Variants in ADAMTSL1 observed in about 807,000 individuals in gnomAD.
ADAMTSL1 encodes ADAMTS-like protein 1.
ADAMTSL1 carries 126 observed loss-of-function variants against 201.8 expected under a neutral mutation model. That is an observed-to-expected ratio of 0.62 (90% CI 0.54 to 0.72). The LOEUF is 0.72. Ranked by LOEUF, ADAMTSL1 falls within the 30% of genes least tolerant of loss-of-function variation. ADAMTSL1 has a pLI of 0.00. For synonymous variants in ADAMTSL1, 1,121 were observed against 903.4 expected (o/e 1.24, Z -4.32); for missense variants, 2,679 against 2,277.8 (o/e 1.18, Z -3.59).
At chr9:18,391,548 C>T (rs1838045754) in intron 2 of ADAMTSL1, among the ~76,000 whole-genome samples, 1 of 152,026 alleles carries the variant, frequency 6.6e-6, no homozygotes, top group Non-Finnish European at 1.5e-5. Context: ...TGGGCTCCAG[C>T]AATCTTCTTG....
At chr9:18,903,149 G>A (rs1384499823) in intron 26 of ADAMTSL1, among the ~76,000 whole-genome samples, 1 of 152,082 alleles carries the variant, frequency 6.6e-6, no homozygotes, top group Non-Finnish European at 1.5e-5. Flanking sequence ...AAGTTGCAGT[G>A]AGCAGAGATC....
At chr9:18,201,554 G>A (rs901716225) in intron 2 of ADAMTSL1, among the ~76,000 whole-genome samples, 6 of 151,518 alleles carry the variant, frequency 4.0e-5, no homozygotes, top group Non-Finnish European at 5.9e-5. Context: ...ACAATATTAC[G>A]GCCTTAGAAG....
chr9:18,517,685 T>C (rs1818445040), intron 2 of ADAMTSL1, among the ~76,000 whole-genome samples: 1 of 152,088 alleles, frequency 6.6e-6, no homozygotes. Context: ...TTTTTGTTCT[T>C]GCGATAGTTT....
intron 1 of ADAMTSL1, among the ~76,000 whole-genome samples, chr9:17,997,194 A>G (rs1398369748): frequency 3.3e-5 from 5 of 152,108 alleles, no homozygotes; most frequent in African/African-American, 4.8e-5. Flanking sequence ...AGAAAAAACA[A>G]TTGAATCAAA....
intron 2 of ADAMTSL1, among the ~76,000 whole-genome samples, chr9:18,263,770 C>G (rs1013287459): frequency 2.6e-4 from 39 of 152,258 alleles, no homozygotes; most frequent in African/African-American, 9.1e-4. Flanking sequence ...CTCGAGAAAG[C>G]TGGTTGCTCT....
intron 2 of ADAMTSL1, among the ~76,000 whole-genome samples, chr9:18,529,200 C>G (rs112517093): frequency 1.4e-4 from 22 of 152,278 alleles, no homozygotes; most frequent in Middle Eastern, 3.4e-3. Flanking sequence ...TTGCATTTTA[C>G]TGATGAACAT....
chr9:18,106,439 A>AG (rs1388430870), intron 1 of ADAMTSL1, among the ~76,000 whole-genome samples: 3 of 152,196 alleles, frequency 2.0e-5, no homozygotes, highest in Non-Finnish European at 4.4e-5. Flanking sequence ...GGAACCCCTG[A>AG]GGCCATGGGT....
At chr9:18,200,667 T>C (rs1486414814) in intron 2 of ADAMTSL1, among the ~76,000 whole-genome samples, 1 of 152,028 alleles carries the variant, frequency 6.6e-6, no homozygotes, top group Non-Finnish European at 1.5e-5. Flanking sequence ...CCTTGTGACG[T>C]ATAAAGTAAT....
At chr9:18,129,931 T>C (rs1191030667) in intron 1 of ADAMTSL1, among the ~76,000 whole-genome samples, 2 of 152,174 alleles carry the variant, frequency 1.3e-5, no homozygotes, top group Non-Finnish European at 2.9e-5. Flanking sequence ...TTTTAGTAAC[T>C]GGTCCTTGTC....
rs1224299814 is a variant in ADAMTSL1 at position 18,504,945 on chromosome 9, C to T, written c.180C>T (p.Cys60=). The change falls in exon 2 of 29, where the codon TGC becomes TGT. Residue 60 remains cysteine (C), a synonymous_variant. Coordinates refer to ENST00000380548, the MANE Select transcript of ADAMTSL1 (RefSeq NM_001040272.6). ...GGGASYSLRR[C]LSSKSCEGRN... is the part of the protein sequence containing the mutation. ...GGGCCTCCTACTCTCTGAGGCGCTG[C>T]CTGAGCAGCAAGTAAGTCCTGCACC... 6.2e-6 allele frequency: 10 copies of T among 1,608,662 alleles called. No individual in the cohort carries two copies. The highest frequency in any genetic ancestry group is 7.6e-6 in the Non-Finnish European group (9 of 1,179,012).
chr9:18,562,851 G>C (rs1055674230), intron 3 of ADAMTSL1, among the ~76,000 whole-genome samples: 2 of 152,162 alleles, frequency 1.3e-5, no homozygotes, highest in East Asian at 3.8e-4. Flanking sequence ...CTCATGCTCT[G>C]TTTATCAGCA....
intron 28 of ADAMTSL1, 90 bp downstream of exon 28, chr9:18,907,002 G>C (rs1315757250): frequency 2.9e-5 from 42 of 1,458,520 alleles, no homozygotes; most frequent in Non-Finnish European, 3.7e-5. Flanking sequence ...TGAGCATAGG[G>C]CATGGGGTCA....
chr9:18,042,196 A>G (rs1821455735), intron 1 of ADAMTSL1, among the ~76,000 whole-genome samples: 1 of 152,124 alleles, frequency 6.6e-6, no homozygotes, highest in Admixed American at 6.6e-5. Context: ...TAAGTGATGT[A>G]CAAATTATGA....
At chr9:18,908,209 C>CAGACAG in intron 28 of ADAMTSL1, 1 of 549,246 alleles carries the variant, frequency 1.8e-6, no homozygotes, top group South Asian at 2.0e-5. Flanking sequence ...AGGGAGGGGC[C>CAGACAG]CCATCATTCA....
At chr9:18,230,381 G>T (rs1028811862) in intron 2 of ADAMTSL1, among the ~76,000 whole-genome samples, 2 of 152,126 alleles carry the variant, frequency 1.3e-5, no homozygotes, top group Non-Finnish European at 2.9e-5. Context: ...GTTAAAAGTT[G>T]GCTGGGAGAA....
chr9:18,635,865 A>G, intron 5 of ADAMTSL1, 78 bp from the exon 6 acceptor site: 1 of 1,231,524 alleles, frequency 8.1e-7, no homozygotes, highest in East Asian at 2.4e-5. Flanking sequence ...TATGGAAGTC[A>G]GTGCCTTTAT....
chr9:18,477,603 T>C (rs1273428505), intron 1 of ADAMTSL1, among the ~76,000 whole-genome samples: 2 of 152,232 alleles, frequency 1.3e-5, no homozygotes, highest in Non-Finnish European at 2.9e-5. Flanking sequence ...CACAAGCACT[T>C]TTCTATAATT....
chr9:18,747,709 G>A (rs1352420693), intron 15 of ADAMTSL1, among the ~76,000 whole-genome samples: 1 of 152,204 alleles, frequency 6.6e-6, no homozygotes, highest in Non-Finnish European at 1.5e-5. Context: ...TGGTGACCAT[G>A]TGTGATGTCA....
intron 23 of ADAMTSL1, among the ~76,000 whole-genome samples, chr9:18,874,313 G>A (rs371844628): frequency 6.6e-5 from 10 of 151,960 alleles, no homozygotes; most frequent in African/African-American, 1.7e-4. Context: ...TGATTGCTCC[G>A]GCTAGGGCTT....
Sources: gnomAD v4.1 joint callset for allele counts (sites outside exome capture counted in the v4.1 genomes callset) on GRCh38, gnomAD v4.1.1 for gene constraint, MANE v1.5 for transcripts, NCBI Gene and HGNC (gene_info 2026-07-23, HGNC 2026-07-21) for gene names.